ZNF316: variants seen among roughly 807,000 people sequenced by gnomAD.
ZNF316 encodes the protein zinc finger protein 316.
Under a neutral mutation model 75.6 loss-of-function variants are expected in ZNF316, and 23 were observed. That is an observed-to-expected ratio of 0.30 (90% CI 0.22 to 0.43). ZNF316 has a LOEUF of 0.43. Ranked by LOEUF, ZNF316 falls within the 20% of genes least tolerant of loss-of-function variation. ZNF316 has a pLI of 1.00. For missense variants in ZNF316, 1,266 were observed against 1,409.4 expected (o/e 0.90, Z 1.63); for synonymous variants, 827 against 666.2 (o/e 1.24, Z -3.72).
At chr7:6,652,224 T>C (rs1375003229) in intron 8 of ZNF316, 79 bp from the exon 9 acceptor site, 2 of 1,219,038 alleles carry the variant, frequency 1.6e-6, no homozygotes, top group Non-Finnish European at 2.0e-6. Flanking sequence ...AAGCCCTGAT[T>C]TCTCGGGACA....
intron 8 of ZNF316, among the ~76,000 whole-genome samples, chr7:6,648,945 G>A (rs1213574724): frequency 6.6e-6 from 1 of 152,162 alleles, no homozygotes; most frequent in African/African-American, 2.4e-5. Flanking sequence ...GGGAGGTGGG[G>A]GGATCGTTCC....
chr7:6,652,223 T>G (rs1779519199), intron 8 of ZNF316, 80 bp from the exon 9 acceptor site: 2 of 1,218,392 alleles, frequency 1.6e-6, no homozygotes, highest in Non-Finnish European at 2.0e-6. Context: ...GAAGCCCTGA[T>G]TTCTCGGGAC....
chr7:6,653,587 G>A lies in ZNF316; in HGVS notation c.1991G>A (p.Gly664Asp). 1 of 1,074,158 alleles carries A rather than the reference G, an allele frequency of 9.3e-7. No individual in the cohort carries two copies. The highest frequency in any genetic ancestry group is 1.1e-6 in the Non-Finnish European group (1 of 886,214). The allele number at this position is 1,074,158 out of a possible 1,614,324, so 66.5% of individuals were successfully genotyped here. ...GGCGGGGCCGCGGGCGGCGGAGGCG[G>A]CCTGCGCGCGTTCGGGCCCGCCATC... ...GGGGAAGGGGGLRAFGPAIGG... is the reference protein window; with the variant it reads ...GGGGAAGGGGDLRAFGPAIGG... Residue 664 changes from glycine (G) to aspartate (D), a missense_variant, in exon 9 of 9, where the codon GGC becomes GAC. Around this residue, in one of 3 missense-constraint regions of ZNF316, gnomAD observed 961 missense variants for 990.9 expected, o/e 0.97. Transcript: ENST00000382252.
At chr7:6,644,030 C>G in intron 7 of ZNF316, 82 bp downstream of exon 7, 1 of 1,216,914 alleles carries the variant, frequency 8.2e-7, no homozygotes, top group Non-Finnish European at 1.0e-6. Flanking sequence ...GGGCGCTTTT[C>G]AAATCCCAGG....
intron 8 of ZNF316, among the ~76,000 whole-genome samples, chr7:6,648,302 A>C (rs1022535683): frequency 6.6e-6 from 1 of 152,088 alleles, no homozygotes; most frequent in African/African-American, 2.4e-5. Context: ...ATCTAGGATT[A>C]GGGACTGTGG....
chr7:6,639,676 G>C lies in ZNF316; in HGVS notation c.-167+535G>C, dbSNP rs533458418. On this transcript the variant is annotated intron_variant, in intron 3 of 8. Transcript: ENST00000382252. This position sits in a 1 kb window ranked among gnomAD's most constrained non-coding sequence, Gnocchi z 4.2. ...GCTGCTTCAGGTGGTGGCCAGGCAGGAGACAGCTCTACTGAGCTTGGCATG... is the reference window on the plus strand; with the variant it reads ...GCTGCTTCAGGTGGTGGCCAGGCAGCAGACAGCTCTACTGAGCTTGGCATG... Among the ~76,000 whole-genome samples the C allele has an allele frequency of 1.4e-4, 21 of 152,344 alleles. 1 individual carries two copies. The South Asian group carries it at 4.3e-3, about 32-fold the overall frequency.
rs1420592305 is a variant in ZNF316, at chr7:6,656,424, C to G, written c.*1813C>G. ...GGGCCTGGCTTTAATAAAGAGTGGA[C>G]AAACTGAACTTCTGACTGGACTCCA... On this transcript the variant is annotated 3_prime_UTR_variant, in exon 9 of 9. Coordinates refer to ENST00000382252, the MANE Select transcript of ZNF316 (RefSeq NM_001278559.2). 1 of 152,228 alleles carries G rather than the reference C, an allele frequency of 6.6e-6. No individual in the cohort carries two copies. The highest frequency in any genetic ancestry group is 2.4e-5 in the African/African-American group (1 of 41,446). 9.4% of individuals were successfully genotyped at this position (152,228 alleles called of 1,614,324 possible).
At position 6,640,459 on chromosome 7, in the gene ZNF316, C is replaced by T. The variant is rs1779292902; in HGVS notation, c.-167+1318C>T. Reference sequence around the variant, plus strand: ...AGAGAGAGTGAGTGGGGAGGCGCCACACACTTTTAAAGACGACCAGATGTC... The same window carrying T: ...AGAGAGAGTGAGTGGGGAGGCGCCATACACTTTTAAAGACGACCAGATGTC... On this transcript the variant is annotated intron_variant, in intron 3 of 8. Transcript: ENST00000382252. This position sits in a 1 kb window ranked among gnomAD's most constrained non-coding sequence, Gnocchi z 5.1. Among the ~76,000 whole-genome samples the T allele has an allele frequency of 6.6e-6, 1 of 152,124 alleles. No homozygotes were observed. The highest frequency in any genetic ancestry group is 2.1e-4 in the South Asian group (1 of 4,832).
At position 6,652,483 on chromosome 7, in the gene ZNF316, G is replaced by A; in HGVS notation, c.887G>A (p.Gly296Glu). 1 of 1,231,636 alleles carries A rather than the reference G, an allele frequency of 8.1e-7. No individual in the cohort carries two copies. The highest frequency in any genetic ancestry group is 1.0e-6 in the Non-Finnish European group (1 of 987,742). The allele number at this position is 1,231,636 out of a possible 1,614,324, so 76.3% of individuals were successfully genotyped here. ...TCGGATTCGGCGCAGACTCCAGAGG[G>A]GTGGGGACCCGACCCAGGCGGCCTG... The part of the protein sequence containing the change: ...DDSDSAQTPE[G>E]WGPDPGGLGV... Residue 296 changes from glycine to glutamate, a missense_variant, in exon 9 of 9, where the codon GGG (glycine) becomes GAG (glutamate). Coordinates refer to ENST00000382252, the MANE Select transcript of ZNF316 (RefSeq NM_001278559.2).
chr7:6,653,847 G>A lies in ZNF316; in HGVS notation c.2251G>A (p.Glu751Lys), dbSNP rs1321743301. 2.6e-5 allele frequency: 28 copies of A among 1,081,982 alleles called. No homozygotes were observed. Among genetic ancestry groups the A allele is most frequent in the Non-Finnish European group, 3.0e-5 (27 of 891,178 alleles). The allele number at this position is 1,081,982 out of a possible 1,614,324, so 67.0% of individuals were successfully genotyped here. A position where few individuals can be genotyped will look rare whatever the true frequency, so the allele number is the denominator to read the frequency against. Residue 751 changes from glutamate (E) to lysine (K), a missense_variant, in exon 9 of 9, where the codon GAG (glutamate) becomes AAG (lysine). By Grantham distance (56) the Glu-to-Lys change is moderately conservative. Around this residue, in one of 3 missense-constraint regions of ZNF316, gnomAD observed 194 missense variants for 319.2 expected, o/e 0.61. Coordinates refer to ENST00000382252, the MANE Select transcript of ZNF316 (RefSeq NM_001278559.2). ...HTGERPFPCP[E>K]CGARFARGSH... ...CGGCGAGCGGCCCTTCCCGTGCCCC[G>A]AGTGCGGCGCGCGGTTCGCCCGCGG...
rs79268437 is a variant in ZNF316 at position 6,643,794 on chromosome 7, C to T, written c.466-28C>T. 5,184 of 1,233,394 alleles carry T rather than the reference C, an allele frequency of 4.2e-3. 165 individuals carry two copies. In the African/African-American group the frequency reaches 0.071, roughly 17 times the overall value. The allele number at this position is 1,233,394 out of a possible 1,614,324, so 76.4% of individuals were successfully genotyped here. Reference sequence around the variant, plus strand: ...GGCTCTTTGTAAAGGGCTCCCTCAGCCTCTCACCTGAGGCTCTGTTTCCCC... The same window carrying T: ...GGCTCTTTGTAAAGGGCTCCCTCAGTCTCTCACCTGAGGCTCTGTTTCCCC... On this transcript the variant is annotated intron_variant, in intron 6 of 8. Transcript: ENST00000382252.
chr7:6,643,727 T>C, intron 6 of ZNF316, 95 bp from the exon 7 acceptor site: 2 of 1,134,740 alleles, frequency 1.8e-6, no homozygotes, highest in Non-Finnish European at 2.2e-6. Flanking sequence ...CTGTGTCCCC[T>C]GACACCCATG....
rs1376452022 is a variant in ZNF316, at chr7:6,656,092, G to A, written c.*1481G>A. 1.3e-5 allele frequency: 2 copies of A among 152,662 alleles called. No homozygotes were observed. The highest frequency in any genetic ancestry group is 2.1e-4 in the South Asian group (1 of 4,842). The allele number at this position is 152,662 out of a possible 1,614,324, so 9.5% of individuals were successfully genotyped here. On this transcript the variant is annotated 3_prime_UTR_variant, in exon 9 of 9. Transcript: ENST00000382252. The stretch of plus-strand genomic sequence containing the variant: ...TGCCAGGGCTGGGGGCGGGTAGGAG[G>A]CACGGTAGTTGGTGGGTGGGAAGAG...
rs2115308871 is a variant in ZNF316 at position 6,643,041 on chromosome 7, G to A, written c.433G>A (p.Asp145Asn). The stretch of plus-strand genomic sequence containing the variant: ...GGAGGAAGAGGAGGAGGAGGATGAG[G>A]ACGAGGATGATTTGCTGACGGCTGG... ...EEEEEEEEDEDEDDLLTAGCQ... is the reference protein window; with the variant it reads ...EEEEEEEEDENEDDLLTAGCQ... The change falls in exon 6 of 9, where the codon GAC becomes AAC. Residue 145 changes from aspartate to asparagine, a missense_variant. Around this residue, in one of 3 missense-constraint regions of ZNF316, gnomAD observed 961 missense variants for 990.9 expected, o/e 0.97. Coordinates refer to ENST00000382252, the MANE Select transcript of ZNF316 (RefSeq NM_001278559.2). The A allele has an allele frequency of 8.1e-7, 1 of 1,239,316 alleles. No homozygotes were observed. Among genetic ancestry groups the A allele is most frequent in the African/African-American group, 1.5e-5 (1 of 64,744 alleles). The allele number at this position is 1,239,316 out of a possible 1,614,324, so 76.8% of individuals were successfully genotyped here.
chr7:6,642,802 G>A lies in ZNF316; in HGVS notation c.355+38G>A. The stretch of plus-strand genomic sequence containing the variant: ...GCCAGCCTTGGGGAGGAGATGAAGG[G>A]GGCTGAGGTGGGCCAGGCCAGGGAC... On this transcript the variant is annotated intron_variant, in intron 5 of 8. Transcript: ENST00000382252. The surrounding 1 kb of genome is among the most constrained non-coding windows in gnomAD (Gnocchi z 8.1). The A allele has an allele frequency of 8.1e-7, 1 of 1,232,970 alleles. No homozygotes were observed. Among genetic ancestry groups the A allele is most frequent in the Non-Finnish European group, 1.0e-6 (1 of 988,570 alleles). 76.4% of individuals were successfully genotyped at this position (1,232,970 alleles called of 1,614,324 possible).
At position 6,640,987 on chromosome 7, in the gene ZNF316, T is replaced by G. The variant is rs1040073633; in HGVS notation, c.-166-838T>G. ...GAATGAAACCTTTTTTCTTTGCCAC[T>G]TACTCAGCCTCAGGTATTCCTTCAC... is the stretch of plus-strand genomic sequence containing the variant. On this transcript the variant is annotated intron_variant, in intron 3 of 8. Transcript: ENST00000382252. The surrounding 1 kb of genome is among the most constrained non-coding windows in gnomAD (Gnocchi z 5.1). 2.6e-5 allele frequency among the ~76,000 whole-genome samples: 4 copies of G among 152,328 alleles called. No individual in the cohort carries two copies. Among genetic ancestry groups the G allele is most frequent in the Middle Eastern group, 3.4e-3 (1 of 294 alleles).
At position 6,652,454 on chromosome 7, in the gene ZNF316, C is replaced by A; in HGVS notation, c.858C>A (p.Asp286Glu). Reference protein sequence around the residue: ...VGDVPGTWGPDDSDSAQTPEG... With the variant: ...VGDVPGTWGPEDSDSAQTPEG... ...ACGTGCCTGGGACGTGGGGGCCCGA[C>A]GACTCGGATTCGGCGCAGACTCCAG... The change falls in exon 9 of 9, where the codon GAC (aspartate) becomes GAA (glutamate). Residue 286 changes from aspartate (D) to glutamate (E), a missense_variant. This residue lies in a region of ZNF316 where 961 missense variants were observed against 990.9 expected (regional missense o/e 0.97). Transcript: ENST00000382252. The A allele has an allele frequency of 4.9e-6, 6 of 1,231,888 alleles. No homozygotes were observed. The highest frequency in any genetic ancestry group is 4.0e-6 in the Non-Finnish European group (4 of 987,846). The allele number at this position is 1,231,888 out of a possible 1,614,324, so 76.3% of individuals were successfully genotyped here. A position where few individuals can be genotyped will look rare whatever the true frequency, so the allele number is the denominator to read the frequency against.
chr7:6,637,350 C>T lies in ZNF316; in HGVS notation c.-528C>T, dbSNP rs1217103045. On this transcript the variant is annotated 5_prime_UTR_variant, in exon 1 of 9. Transcript: ENST00000382252. The surrounding 1 kb of genome is among the most constrained non-coding windows in gnomAD (Gnocchi z 6.2). ...GTGCCCACGCGCCGCCGTCGCGCAG[C>T]TCCCGGGCCGTCACTTTGTGTAGCG... The T allele has an allele frequency of 6.7e-6, 1 of 149,816 alleles. No individual in the cohort carries two copies. Among genetic ancestry groups the T allele is most frequent in the African/African-American group, 2.4e-5 (1 of 41,144 alleles). 9.3% of individuals were successfully genotyped at this position (149,816 alleles called of 1,614,324 possible).
In ZNF316 at chr7:6,654,259, C is replaced by G; in HGVS notation, c.2663C>G (p.Pro888Arg). 1 of 1,223,494 alleles carries G rather than the reference C, an allele frequency of 8.2e-7. No homozygotes were observed. The allele number at this position is 1,223,494 out of a possible 1,614,324, so 75.8% of individuals were successfully genotyped here. ...GGCCACACGGGCGAACGCCCCTTCC[C>G]GTGCCCTGAGTGCGGCAAGCGCTTT... ...RRGHTGERPF[P>R]CPECGKRFSQ... Residue 888 changes from proline to arginine, a missense_variant, in exon 9 of 9, where the codon CCG becomes CGG. Pro to Arg is a moderately radical substitution (Grantham distance 103). Around this residue, in one of 3 missense-constraint regions of ZNF316, gnomAD observed 194 missense variants for 319.2 expected, o/e 0.61. Coordinates refer to ENST00000382252, the MANE Select transcript of ZNF316 (RefSeq NM_001278559.2).
Sources: allele counts gnomAD v4.1 joint callset (sites outside exome capture counted in the v4.1 genomes callset), GRCh38; gene constraint gnomAD v4.1.1; regional missense constraint gnomAD v4.1.1; non-coding constraint Gnocchi (gnomAD v3.1); transcripts MANE v1.5; gene names NCBI Gene and HGNC (gene_info 2026-07-23, HGNC 2026-07-21).